EP400: variants seen among roughly 807,000 people sequenced by gnomAD.
The protein encoded by EP400 is E1A binding protein p400, also known as E1A-binding protein p400.
In EP400, 105 loss-of-function variants were observed where a neutral mutation model predicts 354.1. The ratio of observed to expected loss-of-function variants is 0.30; its 90% CI spans 0.25 to 0.35. The LOEUF (loss-of-function observed/expected upper bound fraction) is 0.35, where lower values mean the gene tolerates loss of function less well. Ranked by LOEUF, EP400 falls within the 10% of genes least tolerant of loss-of-function variation. EP400 has a pLI of 1.00. For missense variants in EP400, 3,280 were observed against 4,121.0 expected, an observed-to-expected ratio of 0.80 and a Z score of 5.59; for synonymous variants, 1,646 against 1,716.9, an observed-to-expected ratio of 0.96 and a Z score of 1.02.
At chr12:132,060,155 G>C (rs998488363) in intron 45 of EP400, among the ~76,000 whole-genome samples, 2 of 152,098 alleles carry the variant, frequency 1.3e-5, no homozygotes, top group East Asian at 3.8e-4. Flanking sequence ...AAAACTGGGG[G>C]AAACAACCCA....
chr12:132,014,774 T>C (rs1354341166), intron 19 of EP400, among the ~76,000 whole-genome samples: 1 of 152,154 alleles, frequency 6.6e-6, no homozygotes, highest in Non-Finnish European at 1.5e-5. Flanking sequence ...TGTGCTCCCC[T>C]CCTTGTGGGG....
intron 37 of EP400, 148 bp from the exon 38 acceptor site, chr12:132,045,171 C>T: frequency 5.1e-6 from 7 of 1,365,626 alleles, no homozygotes; most frequent in East Asian, 2.4e-5. Flanking sequence ...CATGAAGGCC[C>T]GAAAGCAGGT....
intron 41 of EP400, among the ~76,000 whole-genome samples, chr12:132,051,733 G>A (rs1017600398): frequency 7.2e-5 from 11 of 152,218 alleles, no homozygotes; most frequent in Non-Finnish European, 8.8e-5. Flanking sequence ...TTAGGCCTCC[G>A]GATAACTGCG....
At chr12:132,014,326 CTG>C (rs1893854861) in intron 19 of EP400, among the ~76,000 whole-genome samples, 3 of 152,336 alleles carry the variant, frequency 2.0e-5, no homozygotes, top group Admixed American at 2.0e-4. Flanking sequence ...ACGCTGGTGT[CTG>C]TGGCGCAATG....
Position 132,078,781 on chromosome 12 carries a change from GCCAGTGAAGCAGAGAACCA to G in EP400, c.*1111_*1129del. ...CTCTAGGATAAGCTTGTGTGGTTCT[GCCAGTGAAGCAGAGAACCA>G]CCTGTGCTGTTGTGGAAGGCGTGCC... On this transcript the variant is annotated 3_prime_UTR_variant, in exon 53 of 53. Transcript: ENST00000389561. 1 of 152,372 alleles carries G rather than the reference GCCAGTGAAGCAGAGAACCA, an allele frequency of 6.6e-6. No individual in the cohort carries two copies. The highest frequency in any genetic ancestry group is 2.1e-4 in the South Asian group (1 of 4,828). 9.4% of individuals were successfully genotyped at this position (152,372 alleles called of 1,614,324 possible). A position where few individuals can be genotyped will look rare whatever the true frequency, so the allele number is the denominator to read the frequency against.
chr12:131,987,569 G>T (rs1020042562), intron 6 of EP400, 136 bp from the exon 7 acceptor site: 1 of 683,554 alleles, frequency 1.5e-6, no homozygotes, highest in East Asian at 3.0e-5. Flanking sequence ...ATATTAAACT[G>T]GGACCTTGTG....
chr12:132,062,266 A>G lies in EP400; in HGVS notation c.8041A>G (p.Thr2681Ala). 1.2e-6 allele frequency: 2 copies of G among 1,614,090 alleles called. No homozygotes were observed. Among genetic ancestry groups the G allele is most frequent in the Non-Finnish European group, 1.7e-6 (2 of 1,180,024 alleles). ...TGTGACAGCCTCGGCCGTGGTCACT[A>G]CCAACCTGACCCCAGTGCAGACCCC... Reference protein sequence around the residue: ...TSVTASAVVTTNLTPVQTPAR... With the variant: ...TSVTASAVVTANLTPVQTPAR... The change falls in exon 46 of 53, where the codon ACC becomes GCC. Residue 2681 changes from threonine to alanine, a missense_variant. By Grantham distance (58) the Thr-to-Ala change is moderately conservative (BLOSUM62 0). Transcript: ENST00000389561.
intron 48 of EP400, chr12:132,065,998 T>A (rs1488294326): frequency 2.0e-5 from 3 of 152,246 alleles, no homozygotes; most frequent in Admixed American, 6.5e-5. Context: ...CAAGCTTGTT[T>A]GCTTCATGAG....
In EP400 at chr12:132,053,405, G is replaced by A. The variant is rs774350762; in HGVS notation, c.7536G>A (p.Pro2512=). ...PAVAQPPPPQ[P]QPPPPPQQPP... ...TGGCCCAGCCACCCCCGCCCCAGCC[G>A]CAGCCCCCACCACCCCCGCAGCAGC... The change falls in exon 43 of 53, where the codon CCG becomes CCA. Residue 2512 remains proline (P), a synonymous_variant. Transcript: ENST00000389561. The A allele has an allele frequency of 1.1e-4, 89 of 839,640 alleles. No homozygotes were observed. In the East Asian group the frequency reaches 1.2e-3, roughly 11 times the overall value. The allele number at this position is 839,640 out of a possible 1,614,324, so 52.0% of individuals were successfully genotyped here. A position where few individuals can be genotyped will look rare whatever the true frequency, so the allele number is the denominator to read the frequency against.
chr12:132,026,263 T>G (rs1894301538), intron 25 of EP400, among the ~76,000 whole-genome samples: 1 of 152,184 alleles, frequency 6.6e-6, no homozygotes, highest in Non-Finnish European at 1.5e-5. Flanking sequence ...TCTCTGGACA[T>G]GCTCTGTCAT....
intron 1 of EP400, among the ~76,000 whole-genome samples, chr12:131,959,279 C>T (rs1055363314): frequency 2.0e-5 from 3 of 152,220 alleles, no homozygotes; most frequent in East Asian, 1.9e-4. Flanking sequence ...CCTCTTGGAA[C>T]GCTGGCACTG....
Position 132,054,981 on chromosome 12 carries a change from C to G in EP400, c.7736C>G (p.Thr2579Ser). 6.2e-7 allele frequency: 1 copy of G among 1,613,624 alleles called. No individual in the cohort carries two copies. Among genetic ancestry groups the G allele is most frequent in the Non-Finnish European group, 8.5e-7 (1 of 1,179,864 alleles). Residue 2579 changes from threonine (T) to serine (S), a missense_variant, in exon 44 of 53, where the codon ACC (threonine) becomes AGC (serine). Thr to Ser is a moderately conservative substitution (Grantham distance 58). Transcript: ENST00000389561. This position sits in a 1 kb window ranked among gnomAD's most constrained non-coding sequence, Gnocchi z 4.0. Reference sequence around the variant, plus strand: ...TTTTTTTTTTTTAAATAGGCAGGAACCATTAAAACATCAGTTACTGGGACG... The same window carrying G: ...TTTTTTTTTTTTAAATAGGCAGGAAGCATTAAAACATCAGTTACTGGGACG... ...TGGSAAVLAG[T>S]IKTSVTGTSM... is the part of the protein sequence containing the mutation.
chr12:132,065,243 C>T (rs999497496), intron 48 of EP400: 8 of 306,740 alleles, frequency 2.6e-5, no homozygotes, highest in Non-Finnish European at 4.9e-5. Context: ...GCATGTAAGC[C>T]GTAGGCATGG....
intron 11 of EP400, among the ~76,000 whole-genome samples, chr12:131,993,691 C>G (rs1893116144): frequency 6.6e-6 from 1 of 152,172 alleles, no homozygotes; most frequent in Non-Finnish European, 1.5e-5. Context: ...GCCTGTGCCT[C>G]CGGCTACAAA....
intron 16 of EP400, among the ~76,000 whole-genome samples, chr12:132,012,065 T>C (rs1204614643): frequency 6.6e-6 from 1 of 152,252 alleles, no homozygotes; most frequent in African/African-American, 2.4e-5. Context: ...GAACAAATTT[T>C]AACTTATTAA....
intron 10 of EP400, 121 bp downstream of exon 10, chr12:131,991,577 T>C: frequency 6.2e-6 from 1 of 160,108 alleles, no homozygotes; most frequent in Non-Finnish European, 1.1e-5. Context: ...CTTTCTTTTC[T>C]TTTTTTTTTT....
intron 51 of EP400, among the ~76,000 whole-genome samples, chr12:132,073,369 T>G (rs559982945): frequency 6.6e-6 from 1 of 151,974 alleles, no homozygotes; most frequent in African/African-American, 2.4e-5. Flanking sequence ...GCCTCCACCC[T>G]CTTCTCCAGC....
intron 12 of EP400, 29 bp from the exon 13 acceptor site, chr12:132,005,048 A>G: frequency 6.6e-7 from 1 of 1,508,516 alleles, no homozygotes; most frequent in African/African-American, 1.4e-5. Context: ...TTATAAAGTA[A>G]CAGCCCTTCT....
Position 132,066,985 on chromosome 12 carries a change from C to T in EP400, c.8749+16C>T, listed in dbSNP as rs1400116123. 6.3e-7 allele frequency: 1 copy of T among 1,579,658 alleles called. No individual in the cohort carries two copies. The highest frequency in any genetic ancestry group is 2.3e-5 in the East Asian group (1 of 43,648). ...AAGGCAGCAGGTGCCCGCCCCAGCA[C>T]ACCCTCCCGTCCTGGGCTTGAGCCT... On this transcript the variant is annotated intron_variant, in intron 49 of 52. Coordinates refer to ENST00000389561, the MANE Select transcript of EP400 (RefSeq NM_015409.5).
Sources: allele counts gnomAD v4.1 joint callset (sites outside exome capture counted in the v4.1 genomes callset), GRCh38; gene constraint gnomAD v4.1.1; non-coding constraint Gnocchi (gnomAD v3.1); transcripts MANE v1.5; gene names NCBI Gene and HGNC (gene_info 2026-07-23, HGNC 2026-07-21).